The following ARHGAP15 variants were observed in gnomAD, a reference collection of about 807,000 sequenced individuals.
ARHGAP15 encodes Rho GTPase activating protein 15.
In ARHGAP15, 51 loss-of-function variants were observed where a neutral mutation model predicts 63.7. The ratio of observed to expected loss-of-function variants is 0.80; its 90% confidence interval spans 0.64 to 1.01. The LOEUF is 1.01. Among genes scored for constraint, ARHGAP15 ranks in the 50% least tolerant of loss-of-function variants. The pLI, the probability that ARHGAP15 is intolerant of heterozygous loss-of-function variation, is 0.00. For synonymous variants in ARHGAP15, 191 were observed against 193.8 expected (o/e 0.99, Z 0.12); for missense variants, 560 against 564.6 (o/e 0.99, Z 0.08).
intron 8 of ARHGAP15, among the ~76,000 whole-genome samples, chr2:143,443,660 T>C (rs1690000311): frequency 1.3e-5 from 2 of 152,112 alleles, no homozygotes; most frequent in African/African-American, 4.8e-5. Flanking sequence ...AGAAAAAAAT[T>C]GAAAAATTAT....
At chr2:143,744,256 T>C (rs1296025097) in intron 13 of ARHGAP15, among the ~76,000 whole-genome samples, 2 of 152,210 alleles carry the variant, frequency 1.3e-5, no homozygotes, top group African/African-American at 4.8e-5. Flanking sequence ...TTTGTATCAT[T>C]AGTTAAGAAC....
At chr2:143,617,661 T>C (rs184779583) in intron 11 of ARHGAP15, among the ~76,000 whole-genome samples, 1 of 152,270 alleles carries the variant, frequency 6.6e-6, no homozygotes, top group Admixed American at 6.5e-5. Context: ...CAACGTTTGA[T>C]TTTGAGGAAT....
chr2:143,765,496 C>A (rs1435367626), intron 13 of ARHGAP15, among the ~76,000 whole-genome samples: 2 of 152,138 alleles, frequency 1.3e-5, no homozygotes, highest in African/African-American at 4.8e-5. Flanking sequence ...AGAAATGTAG[C>A]CATGCCAACA....
At chr2:143,746,186 C>T (rs774263292) in intron 13 of ARHGAP15, among the ~76,000 whole-genome samples, 14 of 152,060 alleles carry the variant, frequency 9.2e-5, no homozygotes, top group Non-Finnish European at 1.9e-4. Context: ...TCATGACTTC[C>T]ACATTCTATT....
chr2:143,664,410 T>G (rs1682031114), intron 12 of ARHGAP15, among the ~76,000 whole-genome samples: 1 of 151,578 alleles, frequency 6.6e-6, no homozygotes, highest in Admixed American at 6.6e-5. Flanking sequence ...TGGGACACAT[T>G]CAAAGCAGTG....
At chr2:143,212,074 T>C (rs1184131917) in intron 3 of ARHGAP15, among the ~76,000 whole-genome samples, 1 of 152,130 alleles carries the variant, frequency 6.6e-6, no homozygotes, top group East Asian at 1.9e-4. Flanking sequence ...AACCCTTTGG[T>C]GGAATGGTGT....
At chr2:143,387,861 G>A (rs533461608) in intron 6 of ARHGAP15, among the ~76,000 whole-genome samples, 270 of 150,002 alleles carry the variant, frequency 1.8e-3, no homozygotes, top group African/African-American at 6.2e-3. Context: ...ACGCATGGAC[G>A]CACATACACA....
chr2:143,251,612 A>G (rs1020479957), intron 6 of ARHGAP15, among the ~76,000 whole-genome samples: 5 of 152,066 alleles, frequency 3.3e-5, no homozygotes, highest in Admixed American at 2.6e-4. Flanking sequence ...TTCTAGAATA[A>G]ATTACTTTTC....
intron 6 of ARHGAP15, among the ~76,000 whole-genome samples, chr2:143,300,821 G>C (rs1199314680): frequency 6.6e-6 from 1 of 151,998 alleles, no homozygotes; most frequent in Non-Finnish European, 1.5e-5. Context: ...AGTTAGAAAA[G>C]AGGAATTTGG....
At chr2:143,760,568 T>C (rs1348081738) in intron 13 of ARHGAP15, among the ~76,000 whole-genome samples, 1 of 152,188 alleles carries the variant, frequency 6.6e-6, no homozygotes, top group Non-Finnish European at 1.5e-5. Context: ...AGAATATCAC[T>C]GTAATGCCCA....
chr2:143,623,481 A>T (rs1016260510), intron 11 of ARHGAP15, among the ~76,000 whole-genome samples: 1 of 152,104 alleles, frequency 6.6e-6, no homozygotes, highest in Non-Finnish European at 1.5e-5. Flanking sequence ...GTAGGCCAAC[A>T]GGGGTCTGTC....
intron 1 of ARHGAP15, among the ~76,000 whole-genome samples, chr2:143,136,171 C>A (rs1010827642): frequency 2.0e-5 from 3 of 152,134 alleles, no homozygotes; most frequent in African/African-American, 4.8e-5. Context: ...TCTTTCCCTA[C>A]TACTTCCTAC....
At chr2:143,310,171 TA>T (rs1417633492) in intron 6 of ARHGAP15, among the ~76,000 whole-genome samples, 1 of 152,060 alleles carries the variant, frequency 6.6e-6, no homozygotes. Flanking sequence ...AGTCTGATGT[TA>T]TTTTTTTGTT....
chr2:143,717,289 G>A (rs921572655), intron 13 of ARHGAP15, among the ~76,000 whole-genome samples: 8 of 152,200 alleles, frequency 5.3e-5, no homozygotes, highest in African/African-American at 1.7e-4. Flanking sequence ...GGTCTGTCAC[G>A]TGTATCAGAT....
intron 12 of ARHGAP15, among the ~76,000 whole-genome samples, chr2:143,668,668 G>C (rs893598456): frequency 2.6e-5 from 4 of 152,154 alleles, no homozygotes; most frequent in African/African-American, 9.7e-5. Flanking sequence ...CAGTTCATCT[G>C]TCAGTTATTT....
rs149973854 is a variant in ARHGAP15, at chr2:143,389,867, T to C, written c.475-45734T>C. Among the ~76,000 whole-genome samples the C allele has an allele frequency of 2.8e-3, 423 of 152,276 alleles. 1 individual carries two copies. Among genetic ancestry groups the C allele is most frequent in the African/African-American group, 9.7e-3 (404 of 41,560 alleles). On this transcript the variant is annotated intron_variant, in intron 6 of 13. Transcript: ENST00000295095. ...TTGTGTGTTTGGGCAAGTTTCCTCCTTTCCAGAAAGCAAGTTTTCCATAAA... is the reference window on the plus strand; with the variant it reads ...TTGTGTGTTTGGGCAAGTTTCCTCCCTTCCAGAAAGCAAGTTTTCCATAAA...
rs556204874 is a variant in ARHGAP15 at position 143,304,184 on chromosome 2, G to T, written c.474+53584G>T. Among the ~76,000 whole-genome samples the T allele has an allele frequency of 6.6e-5, 10 of 152,252 alleles. No homozygotes were observed. In the East Asian group the frequency reaches 1.9e-3, roughly 29 times the overall value. ...GTTTATTGTGGCATTATTCACAATA[G>T]AAAAGACTTGGAACCAACCCAAATG... is the stretch of plus-strand genomic sequence containing the variant. On this transcript the variant is annotated intron_variant, in intron 6 of 13. Transcript: ENST00000295095.
At chr2:143,391,597 A>G (rs1687540841) in intron 6 of ARHGAP15, among the ~76,000 whole-genome samples, 1 of 152,156 alleles carries the variant, frequency 6.6e-6, no homozygotes, top group South Asian at 2.1e-4. Flanking sequence ...ATGATACACT[A>G]CCACCAGTCC....
chr2:143,315,986 T>C (rs934675690), intron 6 of ARHGAP15, among the ~76,000 whole-genome samples: 3 of 152,022 alleles, frequency 2.0e-5, no homozygotes, highest in Admixed American at 6.6e-5. Context: ...CTCAGAGGGC[T>C]GAGGCAGGAG....
Sources: allele counts gnomAD v4.1 joint callset (sites outside exome capture counted in the v4.1 genomes callset), GRCh38; gene constraint gnomAD v4.1.1; transcripts MANE v1.5; gene names NCBI Gene and HGNC (gene_info 2026-07-23, HGNC 2026-07-21).